Variants in NAV1 observed in about 807,000 individuals in gnomAD.
NAV1 encodes the protein pore membrane and/or filament interacting like protein 3.
In NAV1, 18 loss-of-function variants were observed where a neutral mutation model predicts 175.2. That is an observed-to-expected ratio of 0.10 (90% CI 0.07 to 0.15). The LOEUF (loss-of-function observed/expected upper bound fraction) is 0.15, where lower values mean the gene tolerates loss of function less well. Ranked by LOEUF, NAV1 falls within the 10% of genes least tolerant of loss-of-function variation. The pLI is 1.00. For missense variants in NAV1, 1,731 were observed against 2,436.6 expected, an observed-to-expected ratio of 0.71 and a Z score of 6.10; for synonymous variants, 897 against 978.7, an observed-to-expected ratio of 0.92 and a Z score of 1.56.
chr1:201,739,708 C>T (rs1673278945), intron 3 of NAV1: 1 of 1,035,070 alleles, frequency 9.7e-7, no homozygotes, highest in Non-Finnish European at 1.2e-6. Context: ...GCCACCGGAA[C>T]GGAGGAGGCT....
intron 2 of NAV1, among the ~76,000 whole-genome samples, chr1:201,640,063 G>C (rs2102311479): frequency 6.6e-6 from 1 of 152,198 alleles, no homozygotes; most frequent in Non-Finnish European, 1.5e-5. Context: ...GGTTGAGCTA[G>C]AGGGCAGACC....
At chr1:201,640,759 C>A (rs1265500216) in intron 2 of NAV1, among the ~76,000 whole-genome samples, 1 of 152,210 alleles carries the variant, frequency 6.6e-6, no homozygotes, top group African/African-American at 2.4e-5. Flanking sequence ...CTGTGTCTTG[C>A]CACGGGGTAT....
intron 15 of NAV1, among the ~76,000 whole-genome samples, chr1:201,800,182 G>A (rs147793446): frequency 0.017 from 2,516 of 152,092 alleles, 32 homozygotes; most frequent in Non-Finnish European, 0.027. Flanking sequence ...TGTATTTTTA[G>A]TAGAGATGGG....
intron 3 of NAV1, among the ~76,000 whole-genome samples, chr1:201,758,108 A>G (rs890982473): frequency 4.6e-5 from 7 of 152,136 alleles, no homozygotes; most frequent in Non-Finnish European, 1.0e-4. Flanking sequence ...AGTTGCATAG[A>G]CTTCCTTTAC....
chr1:201,709,791 C>A (rs508460), intron 1 of NAV1, among the ~76,000 whole-genome samples: 10,215 of 152,242 alleles, frequency 0.067, 486 homozygotes, highest in South Asian at 0.15. Flanking sequence ...CCCCTGTATG[C>A]CCCAAATCTA....
chr1:201,655,335 G>A (rs772352831), intron 1 of NAV1, among the ~76,000 whole-genome samples: 1 of 152,228 alleles, frequency 6.6e-6, no homozygotes, highest in Non-Finnish European at 1.5e-5. Context: ...GGAAATGGAC[G>A]CCACATGTTT....
chr1:201,779,381 CAG>C (rs1295676835), intron 3 of NAV1, among the ~76,000 whole-genome samples: 1 of 150,132 alleles, frequency 6.7e-6, no homozygotes, highest in African/African-American at 2.5e-5. Context: ...CACTTGAGGT[CAG>C]GGGTTCAAGA....
intron 1 of NAV1, among the ~76,000 whole-genome samples, chr1:201,574,240 T>G (rs16849022): frequency 0.053 from 8,132 of 152,128 alleles, 244 homozygotes; most frequent in Middle Eastern, 0.071. Flanking sequence ...TTCTATAATC[T>G]AAAGTAGGAA....
At chr1:201,711,031 C>T (rs914112191) in intron 1 of NAV1, among the ~76,000 whole-genome samples, 1 of 152,198 alleles carries the variant, frequency 6.6e-6, no homozygotes, top group Non-Finnish European at 1.5e-5. Context: ...TATTTCTTGG[C>T]GAGTCTAAAA....
chr1:201,772,211 G>A (rs1293927241), intron 3 of NAV1, among the ~76,000 whole-genome samples: 4 of 152,178 alleles, frequency 2.6e-5, no homozygotes, highest in African/African-American at 9.7e-5. Context: ...AAAGAGAATG[G>A]GATTTTTCTG....
At chr1:201,613,776 C>T (rs1438339131) in intron 2 of NAV1, among the ~76,000 whole-genome samples, 2 of 152,070 alleles carry the variant, frequency 1.3e-5, no homozygotes, top group African/African-American at 2.4e-5. Context: ...GCAAGAGACT[C>T]GCTTGAACCT....
At chr1:201,685,206 C>G (rs1670637857) in intron 1 of NAV1, among the ~76,000 whole-genome samples, 1 of 150,828 alleles carries the variant, frequency 6.6e-6, no homozygotes, top group African/African-American at 2.4e-5. Flanking sequence ...CGCCACTGCA[C>G]CTCCAGCCTG....
intron 1 of NAV1, among the ~76,000 whole-genome samples, chr1:201,551,211 G>C (rs952630741): frequency 1.3e-5 from 2 of 152,142 alleles, no homozygotes; most frequent in Admixed American, 6.5e-5. Context: ...ATAGCAGAAG[G>C]GGCCAGTGGA....
At position 201,785,220 on chromosome 1, in the gene NAV1, C is replaced by G; in HGVS notation, c.2805-90C>G. 3.5e-6 allele frequency: 5 copies of G among 1,411,878 alleles called. No homozygotes were observed. In the South Asian group the frequency reaches 6.2e-5, roughly 17 times the overall value. The allele number at this position is 1,411,878 out of a possible 1,614,324, so 87.5% of individuals were successfully genotyped here. A position where few individuals can be genotyped will look rare whatever the true frequency, so the allele number is the denominator to read the frequency against. ...TGTCCTGCGTCTAGGGTCTGCATAC[C>G]TCACACCAATGGTCCTAAACTCTAG... On this transcript the variant is annotated intron_variant, in intron 7 of 29. Coordinates refer to ENST00000367296, the Ensembl canonical transcript of NAV1.
intron 15 of NAV1, among the ~76,000 whole-genome samples, chr1:201,802,186 T>A (rs1490388415): frequency 1.4e-5 from 2 of 140,856 alleles, no homozygotes; most frequent in African/African-American, 5.1e-5. Context: ...GGGCCTGTAA[T>A]CTCAGCTACT....
chr1:201,643,081 CTCTT>C (rs779308627), intron 2 of NAV1, among the ~76,000 whole-genome samples: 89 of 150,636 alleles, frequency 5.9e-4, no homozygotes, highest in African/African-American at 1.9e-3. Flanking sequence ...GCCTCTTTCT[CTCTT>C]TCTTTCTTTT....
intron 3 of NAV1, among the ~76,000 whole-genome samples, chr1:201,774,632 A>T (rs1032530536): frequency 5.3e-5 from 8 of 152,174 alleles, no homozygotes; most frequent in Non-Finnish European, 5.9e-5. Flanking sequence ...CTCAAAAAAA[A>T]TATTATCTAG....
chr1:201,758,049 T>G (rs950231233), intron 3 of NAV1, among the ~76,000 whole-genome samples: 1 of 152,220 alleles, frequency 6.6e-6, no homozygotes, highest in African/African-American at 2.4e-5. Flanking sequence ...CCGGCATTTT[T>G]TTTCTTGTCC....
chr1:201,752,862 A>G (rs1674212692), intron 3 of NAV1, among the ~76,000 whole-genome samples: 1 of 152,332 alleles, frequency 6.6e-6, no homozygotes, highest in African/African-American at 2.4e-5. Context: ...TCTACCTCAC[A>G]GTGGTAACTT....
Sources: allele counts gnomAD v4.1 joint callset (sites outside exome capture counted in the v4.1 genomes callset), GRCh38; gene constraint gnomAD v4.1.1; transcripts MANE v1.5; gene names NCBI Gene and HGNC (gene_info 2026-07-23, HGNC 2026-07-21).